COL28A1: variants seen among roughly 807,000 people sequenced by gnomAD.
COL28A1 encodes the protein collagen type XXVIII alpha 1 chain, also known as collagen alpha-1(XXVIII) chain.
In COL28A1, 161 loss-of-function variants were observed where a neutral mutation model predicts 150.2. The observed-to-expected ratio is 1.07, with a 90% confidence interval of 0.94 to 1.22. The LOEUF is 1.22. COL28A1 is among the 50% of genes most tolerant of loss of function. COL28A1 has a pLI of 0.00. For synonymous variants in COL28A1, 552 were observed against 469.7 expected (o/e 1.18, Z -2.26); for missense variants, 1,617 against 1,388.3 (o/e 1.16, Z -2.62).
rs114705833 is a variant in COL28A1 at position 7,374,282 on chromosome 7, A to G, written c.2360-736T>C. ...CTGAAAGCTGATATTTCAGTCTTCA[A>G]CCATAGCCTTATGTGAAAATTGAAA... On this transcript the variant is annotated intron_variant, in intron 31 of 34. Coordinates refer to ENST00000399429, the MANE Select transcript of COL28A1 (RefSeq NM_001037763.3). Among the ~76,000 whole-genome samples the G allele has an allele frequency of 8.0e-3, 1,223 of 152,154 alleles. 21 individuals carry two copies. Among genetic ancestry groups the G allele is most frequent in the African/African-American group, 0.027 (1,138 of 41,480 alleles).
In COL28A1 at chr7:7,380,698, A is replaced by T; in HGVS notation, c.2287-3T>A. On this transcript the variant is annotated splice_polypyrimidine_tract_variant and splice_region_variant and intron_variant, in intron 29 of 34. Transcript: ENST00000399429. ...TCTCCTTTGGGTCCTTGTAAACCCTACTTAGTGGAAGAAGAGTAAAAGTCA... is the reference window on the plus strand; with the variant it reads ...TCTCCTTTGGGTCCTTGTAAACCCTTCTTAGTGGAAGAAGAGTAAAAGTCA... 6.2e-7 allele frequency: 1 copy of T among 1,613,560 alleles called. No homozygotes were observed. The highest frequency in any genetic ancestry group is 8.5e-7 in the Non-Finnish European group (1 of 1,179,504).
chr7:7,339,264 C>G, the COL28A1 span, among the ~76,000 whole-genome samples: 5 of 152,148 alleles, frequency 3.3e-5, no homozygotes, highest in Non-Finnish European at 7.4e-5. Context: ...AAATAACATA[C>G]TACTCTTGGT....
intron 27 of COL28A1, among the ~76,000 whole-genome samples, chr7:7,413,882 A>G (rs574235512): frequency 1.1e-3 from 171 of 152,330 alleles, no homozygotes; most frequent in African/African-American, 3.9e-3. Flanking sequence ...GAAGAGTTAT[A>G]GTAGAGCCAG....
intron 27 of COL28A1, among the ~76,000 whole-genome samples, chr7:7,400,978 GTGTGTGTGTGTGTGTGT>G (rs1783153896): frequency 2.5e-5 from 2 of 81,284 alleles, no homozygotes; most frequent in East Asian, 3.2e-4. Context: ...GTATTTGGGT[GTGTGTGTGTGTGTGTGT>G]GTGTGTGTGT....
At chr7:7,440,765 G>T (rs372100275) in intron 21 of COL28A1, 25 bp downstream of exon 21, 7 of 1,043,894 alleles carry the variant, frequency 6.7e-6, no homozygotes, top group East Asian at 2.4e-5. Flanking sequence ...TCCTCAAAGC[G>T]TAAGTCAGAA....
chr7:7,401,920 C>T (rs1462253380), intron 27 of COL28A1, among the ~76,000 whole-genome samples: 3 of 152,116 alleles, frequency 2.0e-5, no homozygotes, highest in South Asian at 4.1e-4. Context: ...TAATTGAGAA[C>T]CCCCAAAATT....
At chr7:7,344,025 A>T in the COL28A1 span, among the ~76,000 whole-genome samples, 3 of 151,984 alleles carry the variant, frequency 2.0e-5, no homozygotes, top group Admixed American at 1.3e-4. Flanking sequence ...ATAAAAAAAA[A>T]AATAAAGGTG....
At chr7:7,431,311 G>A (rs1352550274) in intron 25 of COL28A1, 2 of 307,744 alleles carry the variant, frequency 6.5e-6, no homozygotes, top group African/African-American at 2.2e-5. Context: ...GTGACATGAA[G>A]TTAGGAGGGA....
At chr7:7,511,611 C>A in intron 8 of COL28A1, 2 of 315,370 alleles carry the variant, frequency 6.3e-6, no homozygotes, top group East Asian at 1.1e-4. Flanking sequence ...CTTGGAATTC[C>A]TATTTTTTCA....
chr7:7,448,188 A>G (rs926464808), intron 18 of COL28A1, among the ~76,000 whole-genome samples: 1 of 152,242 alleles, frequency 6.6e-6, no homozygotes, highest in African/African-American at 2.4e-5. Flanking sequence ...AGATCTAAGA[A>G]TATCAGTGAA....
In COL28A1 at chr7:7,531,913, G is replaced by C. The variant is rs943394801; in HGVS notation, c.125-9C>G. ...TATGAAACAAATGGAGCCTGAAACAGAATAAACAGGTTAGGCAAAATAATT... is the reference window on the plus strand; with the variant it reads ...TATGAAACAAATGGAGCCTGAAACACAATAAACAGGTTAGGCAAAATAATT... On this transcript the variant is annotated splice_polypyrimidine_tract_variant and intron_variant, in intron 2 of 34. Coordinates refer to ENST00000399429, the MANE Select transcript of COL28A1 (RefSeq NM_001037763.3). 19 of 1,552,288 alleles carry C rather than the reference G, an allele frequency of 1.2e-5. No homozygotes were observed. The highest frequency in any genetic ancestry group is 1.6e-5 in the Non-Finnish European group (18 of 1,129,730).
At chr7:7,407,176 G>A (rs1214283171) in intron 27 of COL28A1, among the ~76,000 whole-genome samples, 2 of 151,960 alleles carry the variant, frequency 1.3e-5, no homozygotes, top group African/African-American at 4.8e-5. Flanking sequence ...AAAAAGATAT[G>A]TATAGATTGT....
chr7:7,453,486 G>T lies in COL28A1; in HGVS notation c.1394C>A (p.Pro465Gln). 8.3e-7 allele frequency: 1 copy of T among 1,197,932 alleles called. No individual in the cohort carries two copies. The highest frequency in any genetic ancestry group is 1.2e-6 in the Non-Finnish European group (1 of 807,610). The allele number at this position is 1,197,932 out of a possible 1,614,324, so 74.2% of individuals were successfully genotyped here. Residue 465 changes from proline to glutamine, a missense_variant, in exon 17 of 35, where the codon CCA becomes CAA. Transcript: ENST00000399429. ...GEQGIQGPIGPPGPQGPAGQG... is the reference protein window; with the variant it reads ...GEQGIQGPIGQPGPQGPAGQG... ...TCCTGCGGGCCCTTGTGGACCAGGT[G>T]GACCAATAGGACCTTGGATTCCCTT... is the stretch of plus-strand genomic sequence containing the variant.
chr7:7,444,598 A>C, intron 18 of COL28A1, 109 bp from the exon 19 acceptor site: 10 of 1,031,068 alleles, frequency 9.7e-6, no homozygotes, highest in African/African-American at 1.6e-5. Flanking sequence ...GAGAAATCTC[A>C]TTAGCAATTA....
intron 25 of COL28A1, among the ~76,000 whole-genome samples, chr7:7,424,351 T>C (rs1215429263): frequency 6.6e-6 from 1 of 152,198 alleles, no homozygotes; most frequent in East Asian, 1.9e-4. Flanking sequence ...CCACCACACC[T>C]GGTAAATGTG....
chr7:7,525,737 AG>A (rs1291833926), intron 3 of COL28A1, among the ~76,000 whole-genome samples: 2 of 152,242 alleles, frequency 1.3e-5, no homozygotes, highest in East Asian at 3.8e-4. Flanking sequence ...ATGATTTAAT[AG>A]GGAAAAAATT....
intron 13 of COL28A1, among the ~76,000 whole-genome samples, chr7:7,480,085 G>A (rs1014321856): frequency 6.6e-6 from 1 of 152,216 alleles, no homozygotes; most frequent in Non-Finnish European, 1.5e-5. Context: ...GTTTGGGCTT[G>A]AGATACAGTA....
chr7:7,509,387 A>G (rs1329277406), intron 9 of COL28A1, among the ~76,000 whole-genome samples: 4 of 152,148 alleles, frequency 2.6e-5, no homozygotes, highest in African/African-American at 7.2e-5. Flanking sequence ...CCTAATTTTA[A>G]TGTATTAATT....
At chr7:7,454,099 G>A (rs1583412768) in intron 16 of COL28A1, among the ~76,000 whole-genome samples, 1 of 152,314 alleles carries the variant, frequency 6.6e-6, no homozygotes, top group Admixed American at 6.5e-5. Context: ...ATGCACATAT[G>A]TGTACATTTG....
Sources: gnomAD v4.1 joint callset for allele counts (sites outside exome capture counted in the v4.1 genomes callset) on GRCh38, gnomAD v4.1.1 for gene constraint, MANE v1.5 for transcripts, NCBI Gene and HGNC (gene_info 2026-07-23, HGNC 2026-07-21) for gene names.